Variants in S100PBP observed in about 807,000 individuals in gnomAD.
S100PBP encodes S100P-binding protein.
A neutral mutation model predicts 39.9 loss-of-function variants in S100PBP; 15 were observed. The ratio of observed to expected loss-of-function variants is 0.38; its 90% confidence interval spans 0.25 to 0.58. The LOEUF (loss-of-function observed/expected upper bound fraction) is 0.58, where lower values mean the gene tolerates loss of function less well. S100PBP is among the 20% of genes least tolerant of loss of function. The pLI is 0.70. For synonymous variants in S100PBP, 178 were observed against 180.3 expected (o/e 0.99, Z 0.10); for missense variants, 504 against 487.3 (o/e 1.03, Z -0.32).
At chr1:32,829,882 A>C in intron 4 of S100PBP, 82 bp from the exon 5 acceptor site, 1 of 887,286 alleles carries the variant, frequency 1.1e-6, no homozygotes, top group Non-Finnish European at 1.9e-6. Context: ...ATCAATCAGC[A>C]GTATATCACT....
At chr1:32,818,997 C>G (rs934884054) in intron 1 of S100PBP, among the ~76,000 whole-genome samples, 1 of 152,176 alleles carries the variant, frequency 6.6e-6, no homozygotes, top group African/African-American at 2.4e-5. Flanking sequence ...TGTGGGCTTG[C>G]ATCTGGTGTT....
At chr1:32,831,624 T>A (rs1639603047) in intron 5 of S100PBP, among the ~76,000 whole-genome samples, 3 of 152,062 alleles carry the variant, frequency 2.0e-5, no homozygotes, top group Admixed American at 1.3e-4. Flanking sequence ...TTACTTACAC[T>A]GATTTCTTAG....
chr1:32,841,166 A>T (rs1282998628), intron 5 of S100PBP, among the ~76,000 whole-genome samples: 11 of 151,978 alleles, frequency 7.2e-5, no homozygotes, highest in East Asian at 5.8e-4. Context: ...ATCTCAAAAA[A>T]AAAAAAAATA....
At chr1:32,826,047 G>A in intron 2 of S100PBP, 51 bp from the exon 3 acceptor site, 1 of 1,292,300 alleles carries the variant, frequency 7.7e-7, no homozygotes, top group East Asian at 2.3e-5. Flanking sequence ...GACTGGAGTT[G>A]GTATAAGGTT....
intron 4 of S100PBP, among the ~76,000 whole-genome samples, chr1:32,829,200 C>A (rs569164323): frequency 5.7e-4 from 47 of 83,070 alleles, no homozygotes; most frequent in African/African-American, 1.7e-3. Flanking sequence ...ATATTCTCAT[C>A]CACTGATTCT....
intron 5 of S100PBP, among the ~76,000 whole-genome samples, chr1:32,848,385 C>G (rs994950668): frequency 6.6e-6 from 1 of 152,160 alleles, no homozygotes; most frequent in African/African-American, 2.4e-5. Flanking sequence ...CTTCTGTGAC[C>G]AGTACTTTTG....
chr1:32,855,829 ATCT>A (rs774315821), intron 6 of S100PBP, 92 bp from the exon 7 acceptor site: 19 of 642,658 alleles, frequency 3.0e-5, no homozygotes, highest in African/African-American at 5.6e-5. Context: ...AAAAGTAAAG[ATCT>A]TCTTAAAATT....
At chr1:32,818,622 T>G (rs1483729696) in intron 1 of S100PBP, 2 of 152,274 alleles carry the variant, frequency 1.3e-5, no homozygotes, top group African/African-American at 4.8e-5. Context: ...CTGTTCTCTG[T>G]GTCCATGTGG....
At position 32,858,778 on chromosome 1, in the gene S100PBP, T is replaced by C. The variant is rs1483960622; in HGVS notation, c.*2740T>C. Reference sequence around the variant, plus strand: ...TTACTGGCGTTGTCAGTTTCAATTATGAAACTGAAGTTTGGTGCCTCCTCT... The same window carrying C: ...TTACTGGCGTTGTCAGTTTCAATTACGAAACTGAAGTTTGGTGCCTCCTCT... On this transcript the variant is annotated 3_prime_UTR_variant, in exon 7 of 7. Transcript: ENST00000373475. 6.6e-6 allele frequency: 1 copy of C among 152,230 alleles called. No homozygotes were observed. The highest frequency in any genetic ancestry group is 2.4e-5 in the African/African-American group (1 of 41,458). The allele number at this position is 152,230 out of a possible 1,614,324, so 9.4% of individuals were successfully genotyped here.
rs1456134379 is a variant in S100PBP, at chr1:32,857,772, A to G, written c.*1734A>G. 1 of 152,228 alleles carries G rather than the reference A, an allele frequency of 6.6e-6. No individual in the cohort carries two copies. Among genetic ancestry groups the G allele is most frequent in the Admixed American group, 6.5e-5 (1 of 15,278 alleles). 9.4% of individuals were successfully genotyped at this position (152,228 alleles called of 1,614,324 possible). Reference sequence around the variant, plus strand: ...TCCCATCTTTCTGTGTGAGTAATGCATTCTAAACATCCTACCCCACTTTAG... The same window carrying G: ...TCCCATCTTTCTGTGTGAGTAATGCGTTCTAAACATCCTACCCCACTTTAG... On this transcript the variant is annotated 3_prime_UTR_variant, in exon 7 of 7. Coordinates refer to ENST00000373475, the MANE Select transcript of S100PBP (RefSeq NM_022753.4).
intron 5 of S100PBP, among the ~76,000 whole-genome samples, chr1:32,852,333 A>G (rs1640645663): frequency 6.6e-6 from 1 of 152,090 alleles, no homozygotes; most frequent in Non-Finnish European, 1.5e-5. Context: ...AAAGTATTTC[A>G]GGCAAGTTCA....
At chr1:32,842,634 G>A (rs929885991) in intron 5 of S100PBP, 3 of 151,882 alleles carry the variant, frequency 2.0e-5, no homozygotes, top group Admixed American at 1.3e-4. Context: ...TCACTCTGTT[G>A]CCTAGGCTGT....
At chr1:32,821,434 G>C (rs908340726) in intron 1 of S100PBP, among the ~76,000 whole-genome samples, 1 of 151,764 alleles carries the variant, frequency 6.6e-6, no homozygotes, top group African/African-American at 2.4e-5. Flanking sequence ...CAGTTCCCCT[G>C]CCTCAGCCTC....
intron 5 of S100PBP, chr1:32,836,195 C>CT (rs1373428921): frequency 6.7e-6 from 1 of 150,040 alleles, no homozygotes; most frequent in African/African-American, 2.5e-5. Flanking sequence ...TGCAGTGGTA[C>CT]AGTCTTGGCT....
In S100PBP at chr1:32,856,059, A is replaced by G. The variant is rs1640808051; in HGVS notation, c.*21A>G. ...GTTAATTTGTGTCATCCCATCAGCA[A>G]TGAAGGTCCCTATCCAGGGTCCTGC... On this transcript the variant is annotated 3_prime_UTR_variant, in exon 7 of 7. Transcript: ENST00000373475. 6 of 1,498,280 alleles carry G rather than the reference A, an allele frequency of 4.0e-6. No homozygotes were observed. In the East Asian group the frequency reaches 1.4e-4, roughly 34 times the overall value. 92.8% of individuals were successfully genotyped at this position (1,498,280 alleles called of 1,614,324 possible).
chr1:32,832,940 A>G (rs1049204302), intron 5 of S100PBP, among the ~76,000 whole-genome samples: 1 of 151,880 alleles, frequency 6.6e-6, no homozygotes, highest in Non-Finnish European at 1.5e-5. Context: ...CTTCAACTCC[A>G]TTATTCTAAT....
Position 32,826,486 on chromosome 1 carries a change from T to C in S100PBP, c.387T>C (p.His129=). 1 of 1,614,188 alleles carries C rather than the reference T, an allele frequency of 6.2e-7. No individual in the cohort carries two copies. Among genetic ancestry groups the C allele is most frequent in the Non-Finnish European group, 8.5e-7 (1 of 1,180,024 alleles). The part of the protein sequence containing the change: ...LSTSSGHGPA[H]TKPLNRRSVL... Reference sequence around the variant, plus strand: ...CATCAAGTGGTCATGGACCAGCTCATACTAAACCATTAAACAGACGCTCTG... The same window carrying C: ...CATCAAGTGGTCATGGACCAGCTCACACTAAACCATTAAACAGACGCTCTG... The change falls in exon 3 of 7, where the codon CAT becomes CAC. Residue 129 remains histidine, a synonymous_variant. Coordinates refer to ENST00000373475, the MANE Select transcript of S100PBP (RefSeq NM_022753.4).
At position 32,857,880 on chromosome 1, in the gene S100PBP, G is replaced by A. The variant is rs1640883232; in HGVS notation, c.*1842G>A. ...CCTAAGTGTTTACTGTTTTTATCCAGTCAAGGATTTGCTTTTCCTTGAACA... is the reference window on the plus strand; with the variant it reads ...CCTAAGTGTTTACTGTTTTTATCCAATCAAGGATTTGCTTTTCCTTGAACA... On this transcript the variant is annotated 3_prime_UTR_variant, in exon 7 of 7. Coordinates refer to ENST00000373475, the MANE Select transcript of S100PBP (RefSeq NM_022753.4). 5 of 152,184 alleles carry A rather than the reference G, an allele frequency of 3.3e-5. No individual in the cohort carries two copies. In the South Asian group the frequency reaches 1.0e-3, roughly 31 times the overall value. The allele number at this position is 152,184 out of a possible 1,614,324, so 9.4% of individuals were successfully genotyped here.
At chr1:32,821,960 A>G (rs1342658851) in intron 1 of S100PBP, among the ~76,000 whole-genome samples, 1 of 152,120 alleles carries the variant, frequency 6.6e-6, no homozygotes, top group Non-Finnish European at 1.5e-5. Flanking sequence ...AAGTAATTGC[A>G]GGGGGAAAAG....
Sources: gnomAD v4.1 joint callset for allele counts (sites outside exome capture counted in the v4.1 genomes callset) on GRCh38, gnomAD v4.1.1 for gene constraint, MANE v1.5 for transcripts, NCBI Gene and HGNC (gene_info 2026-07-23, HGNC 2026-07-21) for gene names.